XCR1: variants seen among roughly 807,000 people sequenced by gnomAD.
XCR1 encodes the protein X-C motif chemokine receptor 1.
For synonymous variants in XCR1, 187 were observed against 188.5 expected (o/e 0.99, Z 0.06); for missense variants, 356 against 424.2 (o/e 0.84, Z 1.41).
chr3:46,022,933 A>G (rs1575407649), intron 1 of XCR1, among the ~76,000 whole-genome samples: 2 of 152,314 alleles, frequency 1.3e-5, no homozygotes, highest in East Asian at 3.9e-4. Context: ...TAACTATTAT[A>G]CCTGTTCCCA....
intron 4 of XCR1, among the ~76,000 whole-genome samples, chr3:46,055,132 G>T (rs937901153): frequency 1.3e-5 from 2 of 152,140 alleles, no homozygotes; most frequent in African/African-American, 4.8e-5. Context: ...AAGAATTTTG[G>T]ACAGAAATAC....
chr3:46,057,610 A>G (rs1697874949), intron 4 of XCR1, among the ~76,000 whole-genome samples: 1 of 152,192 alleles, frequency 6.6e-6, no homozygotes, highest in Non-Finnish European at 1.5e-5. Flanking sequence ...ATTAACATCT[A>G]CAATCGGTTT....
At chr3:46,033,525 T>A (rs1697345939) in intron 5 of XCR1, among the ~76,000 whole-genome samples, 1 of 152,198 alleles carries the variant, frequency 6.6e-6, no homozygotes, top group African/African-American at 2.4e-5. Context: ...TCTGTTATGT[T>A]CTGCTAGTAT....
Position 46,020,826 on chromosome 3 carries a change from C to A in XCR1, c.*120G>T, listed in dbSNP as rs1226090616. ...ATGAATGACCTTCACTGCACGCCTG[C>A]AGCGGAGGAGACGTCTCCACCCTGC... On this transcript the variant is annotated 3_prime_UTR_variant, in exon 2 of 2. Transcript: ENST00000309285. 7 of 1,329,662 alleles carry A rather than the reference C, an allele frequency of 5.3e-6. No individual in the cohort carries two copies. The allele number at this position is 1,329,662 out of a possible 1,614,324, so 82.4% of individuals were successfully genotyped here.
chr3:46,041,857 G>A (rs1697542084), intron 5 of XCR1, among the ~76,000 whole-genome samples: 1 of 152,132 alleles, frequency 6.6e-6, no homozygotes, highest in Non-Finnish European at 1.5e-5. Context: ...CCTAGTTCCT[G>A]TTTTCTTGTA....
chr3:46,034,776 G>T (rs1372319151), intron 5 of XCR1, among the ~76,000 whole-genome samples: 7 of 151,968 alleles, frequency 4.6e-5, no homozygotes. Flanking sequence ...GATGAAAAAA[G>T]CTTCTGGTTT....
chr3:46,077,866 G>A (rs1698289746), intron 1 of XCR1, among the ~76,000 whole-genome samples: 1 of 152,110 alleles, frequency 6.6e-6, no homozygotes, highest in Non-Finnish European at 1.5e-5. Context: ...TTATAAGTGA[G>A]AGCTAAACAT....
intron 4 of XCR1, among the ~76,000 whole-genome samples, chr3:46,060,445 C>T (rs764528986): frequency 8.5e-5 from 13 of 152,294 alleles, no homozygotes; most frequent in Non-Finnish European, 1.8e-4. Flanking sequence ...AGCCCAATTT[C>T]CCTTTGGTAA....
intron 5 of XCR1, among the ~76,000 whole-genome samples, chr3:46,033,194 C>T (rs1393191593): frequency 1.3e-5 from 2 of 151,760 alleles, no homozygotes; most frequent in Admixed American, 6.5e-5. Context: ...AGTTTGGGGT[C>T]CTACCTAGGT....
At chr3:46,058,307 T>C (rs1697893017) in intron 4 of XCR1, among the ~76,000 whole-genome samples, 1 of 151,946 alleles carries the variant, frequency 6.6e-6, no homozygotes. Flanking sequence ...AGGTGTATAG[T>C]GAGATTGGCT....
At chr3:46,054,601 T>C (rs1697818592) in intron 4 of XCR1, among the ~76,000 whole-genome samples, 1 of 151,856 alleles carries the variant, frequency 6.6e-6, no homozygotes, top group South Asian at 2.1e-4. Flanking sequence ...GGGTTTGGTG[T>C]AGGTACTGCT....
intron 5 of XCR1, among the ~76,000 whole-genome samples, chr3:46,044,612 A>G (rs1697591952): frequency 6.6e-6 from 1 of 152,226 alleles, no homozygotes; most frequent in African/African-American, 2.4e-5. Context: ...TAATCTCTAG[A>G]CCAGCTTACA....
intron 2 of XCR1, among the ~76,000 whole-genome samples, chr3:46,075,970 A>G (rs1698253118): frequency 6.6e-6 from 1 of 152,232 alleles, no homozygotes; most frequent in African/African-American, 2.4e-5. Flanking sequence ...GGAATGTAAC[A>G]TGGCATAGCC....
At position 46,036,170 on chromosome 3, in the gene XCR1, C is replaced by T. The variant is rs192454791; in HGVS notation, c.-31-14192G>A. On this transcript the variant is annotated intron_variant, in intron 5 of 5. Transcript: ENST00000683768. The stretch of plus-strand genomic sequence containing the variant: ...TGAATGAGAAAGTGGGATGGAGTTT[C>T]CTGTATCCAGGCTTTTATGTTGCTG... 1.3e-3 allele frequency among the ~76,000 whole-genome samples: 196 copies of T among 152,276 alleles called. 1 individual carries two copies. The highest frequency in any genetic ancestry group is 4.1e-3 in the Admixed American group (63 of 15,302).
intron 4 of XCR1, among the ~76,000 whole-genome samples, chr3:46,057,546 A>G (rs1697874273): frequency 6.6e-6 from 1 of 152,188 alleles, no homozygotes. Context: ...CATCTAGGCT[A>G]GGCTGTATTC....
chr3:46,060,789 C>T (rs1039629836), intron 4 of XCR1, among the ~76,000 whole-genome samples: 1 of 152,348 alleles, frequency 6.6e-6, no homozygotes, highest in African/African-American at 2.4e-5. Flanking sequence ...ACAGCACACA[C>T]ATCCTCCTGG....
chr3:46,048,112 A>G (rs769163350), intron 5 of XCR1, among the ~76,000 whole-genome samples: 2 of 152,204 alleles, frequency 1.3e-5, no homozygotes, highest in African/African-American at 2.4e-5. Flanking sequence ...TTGTGGTGAT[A>G]CACAAAGGGA....
intron 1 of XCR1, among the ~76,000 whole-genome samples, chr3:46,024,785 A>C (rs1054869826): frequency 2.0e-5 from 3 of 152,146 alleles, no homozygotes; most frequent in Admixed American, 2.0e-4. Flanking sequence ...AATTTTGTTT[A>C]TTGTATAATG....
intron 1 of XCR1, among the ~76,000 whole-genome samples, chr3:46,082,048 A>G (rs542684967): frequency 6.6e-6 from 1 of 152,330 alleles, no homozygotes; most frequent in African/African-American, 2.4e-5. Flanking sequence ...TCCCTGTGCC[A>G]CTAAACTTAA....
Sources: gnomAD v4.1 joint callset for allele counts (sites outside exome capture counted in the v4.1 genomes callset) on GRCh38, gnomAD v4.1.1 for gene constraint, MANE v1.5 for transcripts, NCBI Gene and HGNC (gene_info 2026-07-23, HGNC 2026-07-21) for gene names.